The following PCCA variants were observed in gnomAD, a reference collection of about 807,000 sequenced individuals.
PCCA encodes propionyl-CoA carboxylase alpha chain, mitochondrial.
A neutral mutation model predicts 101.3 loss-of-function variants in PCCA; 74 were observed. The ratio of observed to expected loss-of-function variants is 0.73; its 90% CI spans 0.61 to 0.89. The LOEUF is 0.89. Ranked by LOEUF, PCCA falls within the 40% of genes least tolerant of loss-of-function variation. PCCA has a pLI of 0.00. For synonymous variants in PCCA, 294 were observed against 313.6 expected, an observed-to-expected ratio of 0.94 and a Z score of 0.66; for missense variants, 891 against 907.0, an observed-to-expected ratio of 0.98 and a Z score of 0.23.
intron 21 of PCCA, among the ~76,000 whole-genome samples, chr13:100,498,973 G>C (rs1017324629): frequency 1.3e-5 from 2 of 152,098 alleles, no homozygotes; most frequent in South Asian, 2.1e-4. Flanking sequence ...TTGGTTCTCT[G>C]GTTCTGAGAA....
intron 13 of PCCA, among the ~76,000 whole-genome samples, chr13:100,302,431 C>T (rs558939504): frequency 6.6e-6 from 1 of 151,338 alleles, no homozygotes; most frequent in African/African-American, 2.4e-5. Flanking sequence ...CCTGTTTATT[C>T]TGATGATCTA....
At chr13:100,443,625 G>C (rs1254673506) in intron 20 of PCCA, among the ~76,000 whole-genome samples, 3 of 149,536 alleles carry the variant, frequency 2.0e-5, no homozygotes, top group Non-Finnish European at 4.4e-5. Flanking sequence ...AGACTTTCTT[G>C]CCACGCAGCA....
At chr13:100,432,091 C>G (rs1254409989) in intron 20 of PCCA, among the ~76,000 whole-genome samples, 2 of 151,486 alleles carry the variant, frequency 1.3e-5, no homozygotes, top group African/African-American at 4.9e-5. Flanking sequence ...CCCAGCTGCT[C>G]AAGAGGCTGG....
intron 19 of PCCA, among the ~76,000 whole-genome samples, chr13:100,411,407 G>C (rs1014536130): frequency 2.0e-5 from 3 of 151,990 alleles, no homozygotes; most frequent in Non-Finnish European, 2.9e-5. Flanking sequence ...TTTTAATAGA[G>C]ACAGGGTTTT....
At position 100,474,458 on chromosome 13, in the gene PCCA, CTCTCTCTCTCTG is replaced by C. The variant is rs910016370; in HGVS notation, c.1899+25159_1899+25170del. Among the ~76,000 whole-genome samples, 10 of 131,986 alleles carry C rather than the reference CTCTCTCTCTCTG, an allele frequency of 7.6e-5. No homozygotes were observed. The East Asian group carries it at 8.9e-4, about 12-fold the overall frequency. 86.6% of individuals were successfully genotyped at this position (131,986 alleles called of 152,430 possible). A position where few individuals can be genotyped will look rare whatever the true frequency, so the allele number is the denominator to read the frequency against. On this transcript the variant is annotated intron_variant, in intron 21 of 23. Coordinates refer to ENST00000376285, the MANE Select transcript of PCCA (RefSeq NM_000282.4). ...TTACTGTTTCTCTCTCTCTCTCTCT[CTCTCTCTCTCTG>C]TCTCTGTCTCTGTCTCTGTCTCTCT...
At chr13:100,180,584 C>G (rs1456840453) in intron 6 of PCCA, among the ~76,000 whole-genome samples, 1 of 152,132 alleles carries the variant, frequency 6.6e-6, no homozygotes, top group Non-Finnish European at 1.5e-5. Flanking sequence ...GGTGTGGATA[C>G]AGAGGTTGTA....
At chr13:100,170,737 T>C (rs2055554937) in intron 6 of PCCA, among the ~76,000 whole-genome samples, 1 of 152,240 alleles carries the variant, frequency 6.6e-6, no homozygotes, top group Admixed American at 6.5e-5. Context: ...TATAAGGAAA[T>C]ATTTTGATAA....
At chr13:100,133,969 G>A (rs1384763747) in intron 4 of PCCA, among the ~76,000 whole-genome samples, 1 of 152,194 alleles carries the variant, frequency 6.6e-6, no homozygotes, top group African/African-American at 2.4e-5. Context: ...GTTTGCCAGG[G>A]GCTCTGAGGC....
chr13:100,364,465 A>C (rs1055642453), intron 18 of PCCA, among the ~76,000 whole-genome samples: 26 of 152,236 alleles, frequency 1.7e-4, no homozygotes, highest in Admixed American at 1.7e-3. Flanking sequence ...GAAATAGAGC[A>C]TGCATTCTTT....
intron 19 of PCCA, among the ~76,000 whole-genome samples, chr13:100,370,074 C>CTTTTTTTTTTTTTTTTTT (rs386380451): frequency 1.3e-5 from 1 of 74,640 alleles, no homozygotes; most frequent in African/African-American, 5.6e-5. Context: ...GCTGTTACTT[C>CTTTTTTTTTTTTTTTTTT]TTTTTTTTTT....
At chr13:100,526,514 G>T (rs1169366267) in intron 22 of PCCA, among the ~76,000 whole-genome samples, 3 of 152,246 alleles carry the variant, frequency 2.0e-5, no homozygotes, top group African/African-American at 2.4e-5. Context: ...CACACGGGGG[G>T]GCCAGAGGGG....
At chr13:100,145,291 C>T (rs930923528) in intron 4 of PCCA, among the ~76,000 whole-genome samples, 5 of 152,146 alleles carry the variant, frequency 3.3e-5, no homozygotes, top group South Asian at 2.1e-4. Context: ...CTGTCATGGG[C>T]GACTGTCCTG....
intron 1 of PCCA, among the ~76,000 whole-genome samples, chr13:100,093,765 A>T (rs1024314183): frequency 2.6e-5 from 4 of 151,542 alleles, no homozygotes; most frequent in Admixed American, 2.6e-4. Context: ...CTATCTCTAC[A>T]AAATAAAATA....
intron 10 of PCCA, among the ~76,000 whole-genome samples, chr13:100,263,798 CATATATACA>C (rs2062691047): frequency 6.7e-6 from 1 of 148,834 alleles, no homozygotes; most frequent in Non-Finnish European, 1.5e-5. Context: ...ATCTGTATAT[CATATATACA>C]GTATCTGTAT....
At chr13:100,291,113 T>C (rs2065083512) in intron 12 of PCCA, among the ~76,000 whole-genome samples, 1 of 152,204 alleles carries the variant, frequency 6.6e-6, no homozygotes, top group South Asian at 2.1e-4. Flanking sequence ...CTAGAGATGA[T>C]TTAAAGTATA....
At chr13:100,111,035 T>C (rs9557382) in intron 2 of PCCA, among the ~76,000 whole-genome samples, 53,780 of 151,210 alleles carry the variant, frequency 0.36, 10,456 homozygotes, top group East Asian at 0.7. Flanking sequence ...TATTTAGAGA[T>C]GGAGACTCGC....
intron 20 of PCCA, among the ~76,000 whole-genome samples, chr13:100,432,414 C>G (rs2079623306): frequency 6.6e-6 from 1 of 152,052 alleles, no homozygotes; most frequent in Admixed American, 6.6e-5. Flanking sequence ...TTCTGGAAAC[C>G]CTTAGCCAAG....
chr13:100,456,356 A>G (rs947756857), intron 21 of PCCA, among the ~76,000 whole-genome samples: 41 of 152,288 alleles, frequency 2.7e-4, no homozygotes, highest in African/African-American at 9.6e-4. Flanking sequence ...GTGGACTTTT[A>G]TGACTCATTC....
At chr13:100,478,205 T>C (rs949309586) in intron 21 of PCCA, among the ~76,000 whole-genome samples, 5 of 152,216 alleles carry the variant, frequency 3.3e-5, no homozygotes, top group Non-Finnish European at 5.9e-5. Flanking sequence ...TTGTCTGTCT[T>C]CAACAACCTA....
Sources: gnomAD v4.1 joint callset for allele counts (sites outside exome capture counted in the v4.1 genomes callset) on GRCh38, gnomAD v4.1.1 for gene constraint, MANE v1.5 for transcripts, NCBI Gene and HGNC (gene_info 2026-07-23, HGNC 2026-07-21) for gene names.